The following SUCLG2 variants were observed in gnomAD, a reference collection of about 807,000 sequenced individuals.
The protein encoded by SUCLG2 is succinate--CoA ligase [GDP-forming] subunit beta, mitochondrial.
Under a neutral mutation model 47.9 loss-of-function variants are expected in SUCLG2, and 42 were observed. That is an observed-to-expected ratio of 0.88 (90% CI 0.69 to 1.14). SUCLG2 has a LOEUF of 1.14. SUCLG2 is among the 50% of genes most tolerant of loss of function. The pLI is 0.00. For missense variants in SUCLG2, 571 were observed against 525.9 expected (o/e 1.09, Z -0.84); for synonymous variants, 195 against 197.3 (o/e 0.99, Z 0.10).
chr3:67,564,169 C>T (rs985891739), intron 2 of SUCLG2, among the ~76,000 whole-genome samples: 9 of 152,154 alleles, frequency 5.9e-5, no homozygotes, highest in African/African-American at 1.7e-4. Flanking sequence ...CATACTCTTT[C>T]CTTCTGTAAA....
intron 1 of SUCLG2, among the ~76,000 whole-genome samples, chr3:67,615,621 A>AACACACACACACACACACACACACAC (rs60992383): frequency 1.5e-4 from 21 of 142,160 alleles, no homozygotes; most frequent in African/African-American, 5.3e-4. Context: ...CACAAACACA[A>AACACACACACACACACACACACACAC]ACACACACAC....
At chr3:67,410,619 G>C (rs1003317664) in intron 9 of SUCLG2, among the ~76,000 whole-genome samples, 14 of 151,948 alleles carry the variant, frequency 9.2e-5, no homozygotes, top group African/African-American at 3.4e-4. Context: ...TGAGTGCTGT[G>C]TGTTTAAAAT....
Position 67,360,646 on chromosome 3 carries a change from T to G in SUCLG2, c.1306A>C (p.Ser436Arg), listed in dbSNP as rs1415440703. 6.6e-7 allele frequency: 1 copy of G among 1,511,316 alleles called. No individual in the cohort carries two copies. Among genetic ancestry groups the G allele is most frequent in the African/African-American group, 1.4e-5 (1 of 72,362 alleles). The allele number at this position is 1,511,316 out of a possible 1,614,324, so 93.6% of individuals were successfully genotyped here. A position where few individuals can be genotyped will look rare whatever the true frequency, so the allele number is the denominator to read the frequency against. The change falls in exon 11 of 11, where the codon AGC becomes CGC. Residue 436 changes from serine to arginine, a missense_variant. Ser to Arg is a moderately radical substitution (Grantham distance 110). Coordinates refer to the SUCLG2 transcript ENST00000493112. ...GTAAATCTTTAACATAAAAAAATGCTGATGGCACACTTACTCAGATTTTGG... is the reference window on the plus strand; with the variant it reads ...GTAAATCTTTAACATAAAAAAATGCGGATGGCACACTTACTCAGATTTTGG...
chr3:67,510,231 T>C lies in SUCLG2; in HGVS notation c.661-1328A>G, dbSNP rs558980832. Among the ~76,000 whole-genome samples, 35 of 152,324 alleles carry C rather than the reference T, an allele frequency of 2.3e-4. No individual in the cohort carries two copies. The East Asian group carries it at 6.4e-3, about 28-fold the overall frequency. ...AAGTAAATCCCCACTGGTGTAAATA[T>C]TGCAAGTGGTTCCAGATTTGACTGA... On this transcript the variant is annotated intron_variant, in intron 6 of 10. Coordinates refer to ENST00000307227, the MANE Select transcript of SUCLG2 (RefSeq NM_003848.4).
intron 9 of SUCLG2, among the ~76,000 whole-genome samples, chr3:67,404,739 C>T (rs1702764686): frequency 6.6e-6 from 1 of 152,146 alleles, no homozygotes; most frequent in Non-Finnish European, 1.5e-5. Context: ...TCTGGGCCAA[C>T]TTCTATAATT....
chr3:67,596,764 G>A (rs115533084), intron 2 of SUCLG2, among the ~76,000 whole-genome samples: 2,485 of 152,266 alleles, frequency 0.016, 63 homozygotes, highest in African/African-American at 0.057. Flanking sequence ...GGGGTTTTGA[G>A]CCCTCTCATG....
intron 10 of SUCLG2, among the ~76,000 whole-genome samples, chr3:67,377,434 G>A (rs1702057806): frequency 1.3e-5 from 2 of 152,160 alleles, no homozygotes; most frequent in Admixed American, 1.3e-4. Context: ...CTGCAGTAGA[G>A]TGCTATTGCT....
intron 10 of SUCLG2, among the ~76,000 whole-genome samples, chr3:67,368,897 G>C (rs1182909746): frequency 6.6e-6 from 1 of 152,074 alleles, no homozygotes; most frequent in Non-Finnish European, 1.5e-5. Flanking sequence ...TGAGCCACCA[G>C]GCCCGGCTGG....
chr3:67,563,959 C>CAAAAAAAAAAAAAAAAA (rs756674869), intron 2 of SUCLG2, among the ~76,000 whole-genome samples: 2 of 78,188 alleles, frequency 2.6e-5, no homozygotes, highest in Non-Finnish European at 2.9e-5. Flanking sequence ...GACTCTGTCT[C>CAAAAAAAAAAAAAAAAA]AAAAAAAAAA....
intron 2 of SUCLG2, among the ~76,000 whole-genome samples, chr3:67,542,180 A>T (rs532187639): frequency 6.6e-6 from 1 of 152,264 alleles, no homozygotes; most frequent in Admixed American, 6.5e-5. Flanking sequence ...GGCCCTCAAC[A>T]TTCTTAAAGA....
At chr3:67,435,765 A>T (rs1355124384) in intron 9 of SUCLG2, among the ~76,000 whole-genome samples, 1 of 152,236 alleles carries the variant, frequency 6.6e-6, no homozygotes, top group East Asian at 1.9e-4. Context: ...ACAAGACAAC[A>T]TTATATGCTC....
At chr3:67,556,780 A>G (rs1327583689) in intron 2 of SUCLG2, among the ~76,000 whole-genome samples, 1 of 152,174 alleles carries the variant, frequency 6.6e-6, no homozygotes, top group Non-Finnish European at 1.5e-5. Context: ...CAAGGACAAC[A>G]TGTTTTGGGG....
chr3:67,568,106 CTG>C (rs1207839268), intron 2 of SUCLG2, among the ~76,000 whole-genome samples: 2 of 152,174 alleles, frequency 1.3e-5, no homozygotes, highest in African/African-American at 4.8e-5. Context: ...AGCAAAAGAA[CTG>C]TGGTATTAGA....
chr3:67,566,356 G>GT lies in SUCLG2; in HGVS notation c.227-37171_227-37170insA, dbSNP rs1432638807. Among the ~76,000 whole-genome samples the GT allele has an allele frequency of 5.9e-5, 9 of 151,980 alleles. No homozygotes were observed. The East Asian group carries it at 1.7e-3, about 29-fold the overall frequency. ...AATCATTAGAATTACATTTGGGGGG[G>GT]ATATTTTAAAATATGGAAAAAATCT... On this transcript the variant is annotated intron_variant, in intron 2 of 10. Coordinates refer to ENST00000307227, the MANE Select transcript of SUCLG2 (RefSeq NM_003848.4).
At chr3:67,642,706 T>A (rs1701122106) in intron 1 of SUCLG2, among the ~76,000 whole-genome samples, 1 of 152,108 alleles carries the variant, frequency 6.6e-6, no homozygotes, top group South Asian at 2.1e-4. Context: ...AACATGATAA[T>A]CCTCCTCAAG....
At chr3:67,634,984 C>T (rs1227048597) in intron 1 of SUCLG2, among the ~76,000 whole-genome samples, 2 of 152,196 alleles carry the variant, frequency 1.3e-5, no homozygotes, top group Non-Finnish European at 2.9e-5. Flanking sequence ...GAATAATAAA[C>T]AGGATTGCTA....
intron 9 of SUCLG2, among the ~76,000 whole-genome samples, chr3:67,464,823 T>C (rs905004424): frequency 3.3e-5 from 5 of 152,110 alleles, no homozygotes; most frequent in African/African-American, 7.2e-5. Context: ...AGAAATGAGA[T>C]TGGTGGATCA....
chr3:67,540,184 G>A (rs1240393093), intron 2 of SUCLG2, among the ~76,000 whole-genome samples: 1 of 151,672 alleles, frequency 6.6e-6, no homozygotes, highest in Non-Finnish European at 1.5e-5. Context: ...GCTTTCTCCT[G>A]TGGGCATTTA....
intron 9 of SUCLG2, among the ~76,000 whole-genome samples, chr3:67,490,656 G>A (rs1364311599): frequency 6.6e-6 from 1 of 152,152 alleles, no homozygotes; most frequent in African/African-American, 2.4e-5. Flanking sequence ...CTAAGTTTTG[G>A]AAGTGATAAT....
Sources: allele counts gnomAD v4.1 joint callset (sites outside exome capture counted in the v4.1 genomes callset), GRCh38; gene constraint gnomAD v4.1.1; transcripts MANE v1.5; gene names NCBI Gene and HGNC (gene_info 2026-07-23, HGNC 2026-07-21).